The following CDH13 variants were observed in gnomAD, a reference collection of about 807,000 sequenced individuals.
The protein encoded by CDH13 is cadherin-13.
Under a neutral mutation model 63.8 loss-of-function variants are expected in CDH13, and 24 were observed. The ratio of observed to expected loss-of-function variants is 0.38; its 90% CI spans 0.27 to 0.53. The LOEUF is 0.53. CDH13 is among the 20% of genes least tolerant of loss of function. The pLI is 0.85. For synonymous variants in CDH13, 503 were observed against 355.3 expected, an observed-to-expected ratio of 1.42 and a Z score of -4.67; for missense variants, 1,049 against 903.1, an observed-to-expected ratio of 1.16 and a Z score of -2.07.
intron 2 of CDH13, among the ~76,000 whole-genome samples, chr16:82,948,283 G>T (rs1164862852): frequency 2.0e-5 from 3 of 152,138 alleles, no homozygotes; most frequent in Non-Finnish European, 4.4e-5. Context: ...TAAAGCAGAA[G>T]TTCAGTTTAG....
At chr16:82,706,677 G>T (rs956804487) in intron 1 of CDH13, among the ~76,000 whole-genome samples, 4 of 151,700 alleles carry the variant, frequency 2.6e-5, no homozygotes, top group Non-Finnish European at 4.4e-5. Context: ...GGTGGTGGGT[G>T]CCTGTAATCC....
At chr16:83,393,616 A>G (rs1292765687) in intron 6 of CDH13, among the ~76,000 whole-genome samples, 2 of 152,212 alleles carry the variant, frequency 1.3e-5, no homozygotes, top group African/African-American at 2.4e-5. Context: ...TTATGGCTCT[A>G]CTGAAAGAAT....
intron 3 of CDH13, among the ~76,000 whole-genome samples, chr16:83,123,035 CTGTT>C (rs2035654621): frequency 6.6e-6 from 1 of 152,032 alleles, no homozygotes; most frequent in South Asian, 2.1e-4. Context: ...CGGCATTTTT[CTGTT>C]TGAGTTATTT....
intron 8 of CDH13, among the ~76,000 whole-genome samples, chr16:83,627,234 G>A (rs914609236): frequency 1.3e-5 from 2 of 152,094 alleles, no homozygotes; most frequent in Non-Finnish European, 2.9e-5. Flanking sequence ...AGGTTGCAGT[G>A]AGCCGAGATT....
chr16:83,309,679 C>A (rs1025685268), intron 5 of CDH13, among the ~76,000 whole-genome samples: 1 of 152,222 alleles, frequency 6.6e-6, no homozygotes, highest in Non-Finnish European at 1.5e-5. Flanking sequence ...CCAGCCCCCT[C>A]CTTCTGAAAC....
chr16:83,622,363 G>A (rs899593578), intron 8 of CDH13, among the ~76,000 whole-genome samples: 4 of 152,118 alleles, frequency 2.6e-5, no homozygotes, highest in African/African-American at 9.7e-5. Flanking sequence ...CCGGCCCCAT[G>A]GGATTCCGAA....
At chr16:82,943,531 G>A (rs1904357003) in intron 2 of CDH13, among the ~76,000 whole-genome samples, 1 of 152,190 alleles carries the variant, frequency 6.6e-6, no homozygotes. Context: ...GGGTGAAATA[G>A]GCCCTTTCTT....
intron 5 of CDH13, among the ~76,000 whole-genome samples, chr16:83,236,649 G>A (rs1007702056): frequency 7.2e-5 from 11 of 151,976 alleles, no homozygotes; most frequent in South Asian, 4.1e-4. Flanking sequence ...TGGTAGCTAG[G>A]TTCTTCCCAC....
rs34129168 is a variant in CDH13, at chr16:83,540,065, A to AT, written c.960+53428dup. Among the ~76,000 whole-genome samples, 661 of 137,222 alleles carry AT rather than the reference A, an allele frequency of 4.8e-3. 4 individuals carry two copies. Among genetic ancestry groups the AT allele is most frequent in the African/African-American group, 0.011 (422 of 37,564 alleles). 90.0% of individuals were successfully genotyped at this position (137,222 alleles called of 152,430 possible). On this transcript the variant is annotated intron_variant, in intron 7 of 13. Coordinates refer to ENST00000567109, the MANE Select transcript of CDH13 (RefSeq NM_001257.5). ...AAATTCTTTATGTTATTGTCAATAA[A>AT]TTTTTTTTTTTTTTTTTTGAGATGG... is the stretch of plus-strand genomic sequence containing the variant.
At chr16:82,954,882 T>C (rs1378529506) in intron 2 of CDH13, 1 of 152,196 alleles carries the variant, frequency 6.6e-6, no homozygotes, top group Admixed American at 6.5e-5. Context: ...AAACTGAATA[T>C]AATATCTGAT....
At chr16:83,141,356 C>G (rs2036521481) in intron 4 of CDH13, among the ~76,000 whole-genome samples, 1 of 152,136 alleles carries the variant, frequency 6.6e-6, no homozygotes. Context: ...CTGGGGATGT[C>G]CCAGGGTTTT....
Position 83,260,114 on chromosome 16 carries a change from A to ACACG in CDH13, c.636+42620_636+42621insGCAC, listed in dbSNP as rs1423666564. ...ACCCCCAATACACACACACACACACACACACACACACACACACACACACAC... is the reference window on the plus strand; with the variant it reads ...ACCCCCAATACACACACACACACACACACGCACACACACACACACACACACACAC... On this transcript the variant is annotated intron_variant, in intron 5 of 13. Coordinates refer to ENST00000567109, the MANE Select transcript of CDH13 (RefSeq NM_001257.5). Among the ~76,000 whole-genome samples the ACACG allele has an allele frequency of 8.8e-5, 13 of 148,552 alleles. No individual in the cohort carries two copies. In the South Asian group the frequency reaches 2.3e-3, roughly 27 times the overall value.
rs139878845 is a variant in CDH13, at chr16:83,374,584, G to C, written c.781+29578G>C. ...CAAAGCGTAAAGAACATCTGAGTTG[G>C]AACTCGTACCCACTTCAGGATATGA... On this transcript the variant is annotated intron_variant, in intron 6 of 13. Coordinates refer to ENST00000567109, the MANE Select transcript of CDH13 (RefSeq NM_001257.5). Among the ~76,000 whole-genome samples the C allele has an allele frequency of 4.1e-3, 618 of 152,302 alleles. 4 individuals are homozygous for C. Among genetic ancestry groups the C allele is most frequent in the Non-Finnish European group, 6.5e-3 (440 of 68,028 alleles).
Position 83,759,272 on chromosome 16 carries a change from A to G in CDH13, c.1681+11022A>G, listed in dbSNP as rs572394023. Among the ~76,000 whole-genome samples, 5 of 152,330 alleles carry G rather than the reference A, an allele frequency of 3.3e-5. No individual in the cohort carries two copies. In the South Asian group the frequency reaches 1.0e-3, roughly 32 times the overall value. ...CCAGTTTCTGATTCTAACAAGGAAA[A>G]CACAACACAGCAGTGCAGGTGAGAA... is the stretch of plus-strand genomic sequence containing the variant. On this transcript the variant is annotated intron_variant, in intron 11 of 13. Transcript: ENST00000567109.
intron 1 of CDH13, among the ~76,000 whole-genome samples, chr16:82,719,845 C>CAAAA (rs34017657): frequency 2.3e-5 from 2 of 88,154 alleles, no homozygotes; most frequent in Non-Finnish European, 4.4e-5. Context: ...GACTCTGTCT[C>CAAAA]AAAAAAAAAA....
intron 1 of CDH13, among the ~76,000 whole-genome samples, chr16:82,821,798 GATT>G (rs1244052671): frequency 1.3e-5 from 2 of 152,188 alleles, no homozygotes; most frequent in Non-Finnish European, 2.9e-5. Flanking sequence ...TGAAGTGTAG[GATT>G]TAGAAAGGCA....
At chr16:82,794,938 T>A (rs1191989276) in intron 1 of CDH13, among the ~76,000 whole-genome samples, 1 of 152,182 alleles carries the variant, frequency 6.6e-6, no homozygotes, top group Admixed American at 6.5e-5. Context: ...TGGCTGTGGG[T>A]TGGTCTACGA....
chr16:83,747,986 G>C (rs1912743571), intron 10 of CDH13, 122 bp from the exon 11 acceptor site: 1 of 990,542 alleles, frequency 1.0e-6, no homozygotes, highest in Non-Finnish European at 1.6e-6. Flanking sequence ...CAGAAATGAT[G>C]GTTTTGGATT....
intron 2 of CDH13, among the ~76,000 whole-genome samples, chr16:82,922,877 C>T (rs1225385403): frequency 6.6e-6 from 1 of 152,050 alleles, no homozygotes; most frequent in Admixed American, 6.6e-5. Flanking sequence ...ACAGGCCTAC[C>T]TTGTTGATAT....
Sources: gnomAD v4.1 joint callset for allele counts (sites outside exome capture counted in the v4.1 genomes callset) on GRCh38, gnomAD v4.1.1 for gene constraint, MANE v1.5 for transcripts, NCBI Gene and HGNC (gene_info 2026-07-23, HGNC 2026-07-21) for gene names.